SLC24A2: variants seen among roughly 807,000 people sequenced by gnomAD.
The protein encoded by SLC24A2 is solute carrier family 24 member 2.
Under a neutral mutation model 62.0 loss-of-function variants are expected in SLC24A2, and 36 were observed. The observed-to-expected ratio is 0.58, with a 90% CI of 0.44 to 0.77. The LOEUF (loss-of-function observed/expected upper bound fraction) is 0.77. Among genes scored for constraint, SLC24A2 ranks in the 30% least tolerant of loss-of-function variants. The probability of loss-of-function intolerance (pLI) is 0.00; values close to 1 mark genes in which losing one functional copy is unlikely to be tolerated. For missense variants in SLC24A2, 846 were observed against 817.9 expected, an observed-to-expected ratio of 1.03 and a Z score of -0.42; for synonymous variants, 358 against 294.0, an observed-to-expected ratio of 1.22 and a Z score of -2.23.
At chr9:19,548,882 C>A (rs146268910) in intron 8 of SLC24A2, among the ~76,000 whole-genome samples, 1 of 152,156 alleles carries the variant, frequency 6.6e-6, no homozygotes, top group Non-Finnish European at 1.5e-5. Flanking sequence ...GAGACTCTCA[C>A]GAGGAACATT....
At chr9:19,866,220 G>C in the SLC24A2 span, among the ~76,000 whole-genome samples, 1 of 152,280 alleles carries the variant, frequency 6.6e-6, no homozygotes, top group Middle Eastern at 3.4e-3. Context: ...CAAGGATGTG[G>C]AGAAAAGGGA....
At chr9:19,806,079 T>C in the SLC24A2 span, among the ~76,000 whole-genome samples, 7 of 152,248 alleles carry the variant, frequency 4.6e-5, no homozygotes, top group African/African-American at 1.7e-4. Context: ...ATTAATCAAG[T>C]ATTAGGATAA....
the SLC24A2 span, among the ~76,000 whole-genome samples, chr9:20,280,327 C>G: frequency 6.6e-6 from 1 of 152,136 alleles, no homozygotes; most frequent in Non-Finnish European, 1.5e-5. Context: ...AGTCATTGGC[C>G]TTCAGAGGGA....
the SLC24A2 span, among the ~76,000 whole-genome samples, chr9:19,899,803 G>C: frequency 2.6e-5 from 4 of 152,120 alleles, no homozygotes; most frequent in African/African-American, 9.7e-5. Context: ...ATAAGCAAAA[G>C]GGGGAAAAGC....
the SLC24A2 span, among the ~76,000 whole-genome samples, chr9:19,821,751 A>C: frequency 6.6e-6 from 1 of 152,186 alleles, no homozygotes; most frequent in Admixed American, 6.5e-5. Flanking sequence ...AAGGGGCAGG[A>C]AGCAAGGTTA....
At chr9:19,847,713 T>TG in the SLC24A2 span, among the ~76,000 whole-genome samples, 3 of 152,162 alleles carry the variant, frequency 2.0e-5, no homozygotes, top group South Asian at 6.2e-4. Flanking sequence ...TCCTAATCCT[T>TG]GTGATTTTTG....
At chr9:20,180,445 T>G in the SLC24A2 span, among the ~76,000 whole-genome samples, 1 of 152,196 alleles carries the variant, frequency 6.6e-6, no homozygotes, top group Non-Finnish European at 1.5e-5. Flanking sequence ...CTCCATTTAA[T>G]TTTTCAAGTA....
At chr9:20,220,744 GT>G in the SLC24A2 span, among the ~76,000 whole-genome samples, 1 of 152,158 alleles carries the variant, frequency 6.6e-6, no homozygotes, top group Non-Finnish European at 1.5e-5. Context: ...TTAAAAGCAC[GT>G]GAATGCTAAG....
chr9:19,695,974 G>C (rs986678243), intron 2 of SLC24A2, among the ~76,000 whole-genome samples: 2 of 152,084 alleles, frequency 1.3e-5, no homozygotes, highest in African/African-American at 2.4e-5. Flanking sequence ...CCAGTCCCTG[G>C]GCTGTGGACC....
At chr9:20,225,696 T>G in the SLC24A2 span, among the ~76,000 whole-genome samples, 5 of 149,722 alleles carry the variant, frequency 3.3e-5, no homozygotes, top group Admixed American at 6.8e-5. Context: ...TTTCCTCCTT[T>G]TTGACAATAA....
intron 8 of SLC24A2, among the ~76,000 whole-genome samples, chr9:19,530,137 C>T (rs552808527): frequency 6.8e-6 from 1 of 146,430 alleles, no homozygotes; most frequent in African/African-American, 2.6e-5. Flanking sequence ...ACCGAATTCC[C>T]TGAGCCAGTG....
the SLC24A2 span, among the ~76,000 whole-genome samples, chr9:20,173,012 G>T: frequency 2.6e-5 from 4 of 152,096 alleles, no homozygotes; most frequent in Non-Finnish European, 5.9e-5. Flanking sequence ...TACCAGGGTT[G>T]CAGAGATGGT....
At chr9:19,750,111 G>A (rs1821941158) in intron 2 of SLC24A2, among the ~76,000 whole-genome samples, 1 of 152,124 alleles carries the variant, frequency 6.6e-6, no homozygotes, top group Non-Finnish European at 1.5e-5. Context: ...TCAGAAGGTG[G>A]TTCAAAGAAG....
the SLC24A2 span, among the ~76,000 whole-genome samples, chr9:19,859,970 T>C: frequency 6.6e-6 from 1 of 152,172 alleles, no homozygotes; most frequent in African/African-American, 2.4e-5. Flanking sequence ...CTTGACACCA[T>C]GGGCTAAAGT....
chr9:20,027,652 G>A, the SLC24A2 span, among the ~76,000 whole-genome samples: 1 of 152,164 alleles, frequency 6.6e-6, no homozygotes, highest in East Asian at 1.9e-4. Context: ...TGAGGTTTTT[G>A]AAGGGAAGGA....
At chr9:19,846,905 C>T in the SLC24A2 span, among the ~76,000 whole-genome samples, 7 of 151,952 alleles carry the variant, frequency 4.6e-5, no homozygotes, top group African/African-American at 1.7e-4. Context: ...GCCTGTGGTC[C>T]CAGCTACTCG....
At chr9:20,204,419 T>G in the SLC24A2 span, among the ~76,000 whole-genome samples, 1 of 152,228 alleles carries the variant, frequency 6.6e-6, no homozygotes, top group South Asian at 2.1e-4. Flanking sequence ...ATTTGTCCAG[T>G]ATCAGAACCA....
chr9:20,022,180 A>G, the SLC24A2 span, among the ~76,000 whole-genome samples: 1 of 152,144 alleles, frequency 6.6e-6, no homozygotes, highest in Non-Finnish European at 1.5e-5. Context: ...TCTGGGTCTA[A>G]AATGAAATGC....
At chr9:19,961,239 A>C in the SLC24A2 span, among the ~76,000 whole-genome samples, 3 of 152,118 alleles carry the variant, frequency 2.0e-5, 1 homozygote, top group South Asian at 6.2e-4. Flanking sequence ...AATAATAAAA[A>C]AAAAGAAATC....
Sources: allele counts gnomAD v4.1 joint callset (sites outside exome capture counted in the v4.1 genomes callset), GRCh38; gene constraint gnomAD v4.1.1; transcripts MANE v1.5; gene names NCBI Gene and HGNC (gene_info 2026-07-23, HGNC 2026-07-21).